ARHGEF17: variants seen among roughly 807,000 people sequenced by gnomAD.
The protein encoded by ARHGEF17 is Rho guanine nucleotide exchange factor 17, also known as 164 kDa Rho-specific guanine-nucleotide exchange factor.
Under a neutral mutation model 174.0 loss-of-function variants are expected in ARHGEF17, and 80 were observed. That is an observed-to-expected ratio of 0.46 (90% confidence interval 0.38 to 0.55). The LOEUF (loss-of-function observed/expected upper bound fraction) is 0.55, where lower values mean the gene tolerates loss of function less well. Among genes scored for constraint, ARHGEF17 ranks in the 20% least tolerant of loss-of-function variants. The pLI is 0.00. For missense variants in ARHGEF17, 2,886 were observed against 2,839.7 expected (o/e 1.02, Z -0.37); for synonymous variants, 1,311 against 1,189.1 (o/e 1.10, Z -2.11).
At chr11:73,312,871 C>T (rs1864864461) in intron 1 of ARHGEF17, among the ~76,000 whole-genome samples, 2 of 152,156 alleles carry the variant, frequency 1.3e-5, no homozygotes, top group South Asian at 2.1e-4. Context: ...CTCCTTCTAC[C>T]TTCTGGCTTC....
intron 1 of ARHGEF17, among the ~76,000 whole-genome samples, chr11:73,346,035 G>A (rs1023024584): frequency 1.3e-5 from 2 of 152,002 alleles, no homozygotes; most frequent in Admixed American, 1.3e-4. Context: ...CTGAACACAA[G>A]GCATCCCAGA....
chr11:73,355,748 G>A (rs1380200023), intron 4 of ARHGEF17, 99 bp downstream of exon 4: 2 of 1,564,392 alleles, frequency 1.3e-6, no homozygotes, highest in Non-Finnish European at 8.8e-7. Flanking sequence ...GTCCCAGCCA[G>A]TGGGCCAGCC....
At position 73,308,588 on chromosome 11, in the gene ARHGEF17, G is replaced by A. The variant is rs770447675; in HGVS notation, c.-51G>A. On this transcript the variant is annotated 5_prime_UTR_variant, in exon 1 of 21. Transcript: ENST00000263674. ...TCCTAGGGAGTGGGGGCGCAGGGGG[G>A]GTTGGCCGCGGCTGCCCGAGGCCAG... 6 of 1,372,366 alleles carry A rather than the reference G, an allele frequency of 4.4e-6. No homozygotes were observed. Among genetic ancestry groups the A allele is most frequent in the East Asian group, 3.1e-5 (1 of 32,320 alleles). 85.0% of individuals were successfully genotyped at this position (1,372,366 alleles called of 1,614,324 possible).
chr11:73,322,509 C>T (rs941910172), intron 1 of ARHGEF17, among the ~76,000 whole-genome samples: 1 of 152,346 alleles, frequency 6.6e-6, no homozygotes, highest in East Asian at 1.9e-4. Flanking sequence ...ACCATTGCTC[C>T]AGCCTCACAC....
rs1378366016 is a variant in ARHGEF17, at chr11:73,311,413, C to G, written c.2775C>G (p.Arg925=). 8 of 1,613,358 alleles carry G rather than the reference C, an allele frequency of 5.0e-6. No individual in the cohort carries two copies. The highest frequency in any genetic ancestry group is 1.6e-4 in the Middle Eastern group (1 of 6,062). ...PRLIRRGSKK[R]PARSSHQELR... ...TAATCCGCCGAGGCTCCAAGAAGCG[C>G]CCAGCTCGGAGTAGTCACCAGGAGC... is the stretch of plus-strand genomic sequence containing the variant. The change falls in exon 1 of 21, where the codon CGC becomes CGG. Residue 925 remains arginine, a synonymous_variant. Transcript: ENST00000263674.
rs1865715851 is a variant in ARHGEF17 at position 73,360,341 on chromosome 11, G to A, written c.4228G>A (p.Asp1410Asn). ...PHQSLDDALR[D>N]LSAAMHRDLS... Reference sequence around the variant, plus strand: ...ACAGAGCCTGGACGATGCACTGCGGGACCTCTCAGCTGCCATGCACCGGGA... The same window carrying A: ...ACAGAGCCTGGACGATGCACTGCGGAACCTCTCAGCTGCCATGCACCGGGA... The change falls in exon 11 of 21, where the codon GAC (aspartate) becomes AAC (asparagine). Residue 1410 changes from aspartate (D) to asparagine (N), a missense_variant. By Grantham distance (23) the Asp-to-Asn change is conservative. Around this residue, in one of 4 missense-constraint regions of ARHGEF17, gnomAD observed 476 missense variants for 473.1 expected, o/e 1.01. Coordinates refer to ENST00000263674, the MANE Select transcript of ARHGEF17 (RefSeq NM_014786.4). 6.2e-7 allele frequency: 1 copy of A among 1,613,780 alleles called. No individual in the cohort carries two copies.
chr11:73,312,860 C>T (rs775235296), intron 1 of ARHGEF17, among the ~76,000 whole-genome samples: 17 of 152,068 alleles, frequency 1.1e-4, no homozygotes, highest in Non-Finnish European at 2.2e-4. Flanking sequence ...CCCTGAGACC[C>T]CTCCTTCTAC....
chr11:73,333,600 C>T (rs774371484), intron 1 of ARHGEF17, among the ~76,000 whole-genome samples: 2 of 152,214 alleles, frequency 1.3e-5, no homozygotes, highest in Non-Finnish European at 2.9e-5. Flanking sequence ...GGGCTTCCCT[C>T]GGCTCTGGGT....
In ARHGEF17 at chr11:73,362,523, A is replaced by T. The variant is rs1865762562; in HGVS notation, c.4785A>T (p.Glu1595Asp). ...ELDVEAAADE[E>D]AATLAEPGPQ... Reference sequence around the variant, plus strand: ...ACGTCGAGGCCGCTGCAGACGAGGAAGCCGCGACGCTCGCGGAGCCGGGGC... The same window carrying T: ...ACGTCGAGGCCGCTGCAGACGAGGATGCCGCGACGCTCGCGGAGCCGGGGC... The change falls in exon 14 of 21, where the codon GAA (glutamate) becomes GAT (aspartate). Residue 1595 changes from glutamate (E) to aspartate (D), a missense_variant. By Grantham distance (45) the Glu-to-Asp change is conservative. This residue lies in a region of ARHGEF17 where 476 missense variants were observed against 473.1 expected (regional missense o/e 1.01). Transcript: ENST00000263674. The T allele has an allele frequency of 6.2e-7, 1 of 1,605,500 alleles. No individual in the cohort carries two copies. The highest frequency in any genetic ancestry group is 1.3e-5 in the African/African-American group (1 of 74,962).
intron 1 of ARHGEF17, chr11:73,343,265 T>C: frequency 5.0e-6 from 2 of 398,156 alleles, no homozygotes; most frequent in Non-Finnish European, 4.4e-6. Flanking sequence ...CCGAGGAGCC[T>C]GGGGAGGCCC....
Position 73,309,078 on chromosome 11 carries a change from C to A in ARHGEF17, c.440C>A (p.Ser147Tyr). ...AGGAGGCCCAGCGCCGACTCTGAAT[C>A]CCCAGGAACGCCCAGCCCCGACGGT... The part of the protein sequence containing the change: ...GSRRPSADSE[S>Y]PGTPSPDGAA... The change falls in exon 1 of 21, where the codon TCC (serine) becomes TAC (tyrosine). Residue 147 changes from serine (S) to tyrosine (Y), a missense_variant. Coordinates refer to ENST00000263674, the MANE Select transcript of ARHGEF17 (RefSeq NM_014786.4). 4 of 1,528,338 alleles carry A rather than the reference C, an allele frequency of 2.6e-6. No homozygotes were observed. Among genetic ancestry groups the A allele is most frequent in the Non-Finnish European group, 3.5e-6 (4 of 1,142,638 alleles). 94.7% of individuals were successfully genotyped at this position (1,528,338 alleles called of 1,614,324 possible).
chr11:73,315,247 A>G (rs1395667492), intron 1 of ARHGEF17, among the ~76,000 whole-genome samples: 2 of 152,180 alleles, frequency 1.3e-5, no homozygotes, highest in African/African-American at 4.8e-5. Context: ...GAACACTTTC[A>G]TAGTGGTTAT....
intron 17 of ARHGEF17, 24 bp from the exon 18 acceptor site, chr11:73,364,428 C>T (rs376380408): frequency 2.2e-5 from 36 of 1,612,798 alleles, no homozygotes; most frequent in Non-Finnish European, 3.1e-5. Context: ...GAGTGAATTT[C>T]CTGTTTTCTT....
intron 1 of ARHGEF17, among the ~76,000 whole-genome samples, chr11:73,323,496 C>T (rs1007466524): frequency 3.9e-5 from 6 of 152,222 alleles, no homozygotes; most frequent in Admixed American, 6.5e-5. Flanking sequence ...TCTGTGGCCC[C>T]GCAGCCCTGG....
In ARHGEF17 at chr11:73,309,733, T is replaced by C. The variant is rs1472708145; in HGVS notation, c.1095T>C (p.Ser365=). 1 of 1,612,774 alleles carries C rather than the reference T, an allele frequency of 6.2e-7. No homozygotes were observed. Among genetic ancestry groups the C allele is most frequent in the African/African-American group, 1.3e-5 (1 of 75,052 alleles). ...AGGGACTTCGGCCTATGTCTGACTC[T>C]GTGGGAGGAGCTTTCCGTGTGGCCA... ...PQEGLRPMSD[S]VGGAFRVAKV... Residue 365 remains serine (S), a synonymous_variant, in exon 1 of 21, where the codon TCT becomes TCC. Coordinates refer to ENST00000263674, the MANE Select transcript of ARHGEF17 (RefSeq NM_014786.4).
chr11:73,346,939 G>T lies in ARHGEF17; in HGVS notation c.3249G>T (p.Glu1083Asp), dbSNP rs755822428. 7.0e-6 allele frequency: 11 copies of T among 1,574,366 alleles called. No homozygotes were observed. The highest frequency in any genetic ancestry group is 8.7e-6 in the Non-Finnish European group (10 of 1,153,506). The change falls in exon 2 of 21, where the codon GAG becomes GAT. Residue 1083 changes from glutamate to aspartate, a missense_variant. Transcript: ENST00000263674. Reference protein sequence around the residue: ...TLLDTEQSYVESLRTLMQGYM... With the variant: ...TLLDTEQSYVDSLRTLMQGYM... Reference sequence around the variant, plus strand: ...TGGACACAGAGCAGTCGTATGTGGAGTCGCTGCGCACCCTGATGCAGGTGG... The same window carrying T: ...TGGACACAGAGCAGTCGTATGTGGATTCGCTGCGCACCCTGATGCAGGTGG...
chr11:73,315,478 C>T (rs556390898), intron 1 of ARHGEF17, among the ~76,000 whole-genome samples: 2 of 152,298 alleles, frequency 1.3e-5, no homozygotes, highest in Admixed American at 1.3e-4. Context: ...TTCTTTCTCC[C>T]CTTTTGGCGG....
At position 73,308,506 on chromosome 11, in the gene ARHGEF17, GTC is replaced by G; in HGVS notation, c.-129_-128del. On this transcript the variant is annotated 5_prime_UTR_variant, in exon 1 of 21. Transcript: ENST00000263674. ...CCGCGGCAGAGAAACCTCTGCTCCG[GTC>G]TCTGCGTCCTCTTCCCACACTCCCG... is the stretch of plus-strand genomic sequence containing the variant. 3 of 779,544 alleles carry G rather than the reference GTC, an allele frequency of 3.8e-6. No homozygotes were observed. The highest frequency in any genetic ancestry group is 5.5e-6 in the Non-Finnish European group (3 of 549,430). The allele number at this position is 779,544 out of a possible 1,614,324, so 48.3% of individuals were successfully genotyped here.
In ARHGEF17 at chr11:73,355,890, G is replaced by A; in HGVS notation, c.3600G>A (p.Gln1200=). 6.2e-7 allele frequency: 1 copy of A among 1,614,202 alleles called. No individual in the cohort carries two copies. The highest frequency in any genetic ancestry group is 8.5e-7 in the Non-Finnish European group (1 of 1,180,044). ...EQSMRENKEK[Q]ALSDLMIKPV... is the part of the protein sequence containing the mutation. Reference sequence around the variant, plus strand: ...GCATGCGTGAGAACAAGGAGAAGCAGGCGCTGTCTGACCTCATGATCAAGC... The same window carrying A: ...GCATGCGTGAGAACAAGGAGAAGCAAGCGCTGTCTGACCTCATGATCAAGC... Residue 1200 remains glutamine (Q), a synonymous_variant, in exon 5 of 21, where the codon CAG becomes CAA. Coordinates refer to ENST00000263674, the MANE Select transcript of ARHGEF17 (RefSeq NM_014786.4).
Sources: gnomAD v4.1 joint callset for allele counts (sites outside exome capture counted in the v4.1 genomes callset) on GRCh38, gnomAD v4.1.1 for gene constraint, gnomAD v4.1.1 regional missense constraint, MANE v1.5 for transcripts, NCBI Gene and HGNC (gene_info 2026-07-23, HGNC 2026-07-21) for gene names.